Variants in MEAK7 observed in about 807,000 individuals in gnomAD.
MEAK7 encodes MTOR-associated protein MEAK7.
MEAK7 carries 68 observed loss-of-function variants against 40.5 expected under a neutral mutation model. The observed-to-expected ratio is 1.68, with a 90% CI of 1.38 to 2.06. The LOEUF (loss-of-function observed/expected upper bound fraction) is 2.06. Ranked by LOEUF, MEAK7 falls within the 30% of genes most tolerant of loss-of-function variation. The pLI is 0.00. For synonymous variants in MEAK7, 338 were observed against 231.9 expected (o/e 1.46, Z -4.16); for missense variants, 918 against 580.5 (o/e 1.58, Z -5.98).
chr16:84,497,353 C>T (rs1914133996), intron 2 of MEAK7: 1 of 1,189,902 alleles, frequency 8.4e-7, no homozygotes, highest in Non-Finnish European at 1.1e-6. Context: ...GCAAGATGAG[C>T]CTTGAATCTA....
intron 4 of MEAK7, chr16:84,488,230 A>G (rs1327175272): frequency 6.6e-6 from 1 of 152,170 alleles, no homozygotes; most frequent in East Asian, 1.9e-4. Flanking sequence ...CTGATTCTAG[A>G]TGGATGAACA....
intron 1 of MEAK7, chr16:84,504,185 A>G: frequency 1.0e-6 from 1 of 983,996 alleles, no homozygotes. Flanking sequence ...GAATACAAGA[A>G]GGAAAACCCC....
rs774271292 is a variant in MEAK7, at chr16:84,480,731, G to T, written c.1078-23C>A. The T allele has an allele frequency of 3.1e-6, 5 of 1,596,162 alleles. No homozygotes were observed. In the African/African-American group the frequency reaches 6.7e-5, roughly 21 times the overall value. On this transcript the variant is annotated intron_variant, in intron 6 of 7. Transcript: ENST00000343629. ...ACCCTGCAAAGGAAGCCAGGACAGA[G>T]AATAGCATCAGCAACTCCTCAGGGT...
At position 84,490,111 on chromosome 16, in the gene MEAK7, C is replaced by T. The variant is rs550934582; in HGVS notation, c.385-689G>A. ...TCAGTAATTGTACAAACTGTGTGAG[C>T]GTGTGTTTGTTTTGCTGAACTGTTT... On this transcript the variant is annotated intron_variant, in intron 3 of 7. Transcript: ENST00000343629. 1.2e-4 allele frequency among the ~76,000 whole-genome samples: 18 copies of T among 152,248 alleles called. No homozygotes were observed. In the South Asian group the frequency reaches 3.3e-3, roughly 28 times the overall value.
chr16:84,482,454 A>G (rs1014321120), intron 6 of MEAK7, 138 bp downstream of exon 6: 4 of 1,417,196 alleles, frequency 2.8e-6, no homozygotes, highest in Middle Eastern at 2.3e-4. Flanking sequence ...CCCTGGAAAC[A>G]GAAGGAACTG....
chr16:84,498,244 A>G (rs991029267), intron 1 of MEAK7, 133 bp from the exon 2 acceptor site: 1 of 1,088,556 alleles, frequency 9.2e-7, no homozygotes, highest in Non-Finnish European at 1.3e-6. Flanking sequence ...CATCAGAGCT[A>G]CATAATACTG....
rs1055162630 is a variant in MEAK7 at position 84,497,761 on chromosome 16, C to T, written c.153+173G>A. ...AGAGCAGAGGAGCTACAACAGAGAC[C>T]GCATAGCTCACAAAGCCAAAACTAG... On this transcript the variant is annotated intron_variant, in intron 2 of 7. Coordinates refer to ENST00000343629, the MANE Select transcript of MEAK7 (RefSeq NM_020947.4). 6.1e-6 allele frequency: 8 copies of T among 1,301,826 alleles called. No homozygotes were observed. In the Admixed American group the frequency reaches 1.0e-4, roughly 17 times the overall value. 80.6% of individuals were successfully genotyped at this position (1,301,826 alleles called of 1,614,324 possible).
At chr16:84,483,044 T>C (rs1253012281) in intron 5 of MEAK7, among the ~76,000 whole-genome samples, 1 of 152,094 alleles carries the variant, frequency 6.6e-6, no homozygotes, top group African/African-American at 2.4e-5. Flanking sequence ...TCCTTTAGCT[T>C]ATGAGCACGG....
At chr16:84,496,067 G>A (rs984653887) in intron 2 of MEAK7, among the ~76,000 whole-genome samples, 154 bp from the exon 3 acceptor site, 15 of 152,120 alleles carry the variant, frequency 9.9e-5, no homozygotes, top group African/African-American at 2.4e-4. Flanking sequence ...GTAAAGCCCC[G>A]TCTCTTAGAG....
At chr16:84,484,012 G>A (rs1449662668) in intron 5 of MEAK7, among the ~76,000 whole-genome samples, 1 of 152,190 alleles carries the variant, frequency 6.6e-6, no homozygotes, top group Non-Finnish European at 1.5e-5. Context: ...ACGCCGCCAT[G>A]AACAGCTGGG....
chr16:84,489,458 C>T (rs113144559), intron 3 of MEAK7, 36 bp from the exon 4 acceptor site: 114 of 1,577,806 alleles, frequency 7.2e-5, no homozygotes, highest in Non-Finnish European at 9.4e-5. Context: ...AAAACAGTTC[C>T]ACCATATCCT....
In MEAK7 at chr16:84,489,425, G is replaced by A. The variant is rs1864266; in HGVS notation, c.385-3C>T. ...GAGCCAACCAGATCCTCTGTAAACT[G>A]TAAGATCACAATTTTACCATTAAAA... is the stretch of plus-strand genomic sequence containing the variant. On this transcript the variant is annotated splice_region_variant and splice_polypyrimidine_tract_variant and intron_variant, in intron 3 of 7. Transcript: ENST00000343629. 8.0e-5 allele frequency: 128 copies of A among 1,604,482 alleles called. No individual in the cohort carries two copies. In the East Asian group the frequency reaches 2.6e-3, roughly 32 times the overall value.
chr16:84,503,044 T>G (rs1372465359), intron 1 of MEAK7, among the ~76,000 whole-genome samples: 1 of 152,182 alleles, frequency 6.6e-6, no homozygotes, highest in East Asian at 1.9e-4. Flanking sequence ...TCCTTGATAT[T>G]TGATCACCAT....
rs750821245 is a variant in MEAK7, at chr16:84,486,912, T to A, written c.677A>T (p.Asp226Val). ...ACGCTCAGGGACCAGGGTAGTCAGA[T>A]CAAGAGACGAGCACAGGATGAGAAA... ...KGFLILCSSL[D>V]LTTLVPERQV... The change falls in exon 5 of 8, where the codon GAT becomes GTT. Residue 226 changes from aspartate (D) to valine (V), a missense_variant. Transcript: ENST00000343629. The A allele has an allele frequency of 6.2e-7, 1 of 1,614,068 alleles. No homozygotes were observed. Among genetic ancestry groups the A allele is most frequent in the Non-Finnish European group, 8.5e-7 (1 of 1,180,012 alleles).
At chr16:84,499,155 T>G (rs1914294277) in intron 1 of MEAK7, among the ~76,000 whole-genome samples, 1 of 152,198 alleles carries the variant, frequency 6.6e-6, no homozygotes, top group South Asian at 2.1e-4. Flanking sequence ...CCTTGTTCAC[T>G]GTCACAAACC....
At position 84,479,911 on chromosome 16, in the gene MEAK7, C is replaced by T. The variant is rs202228300; in HGVS notation, c.*2G>A. ...TGGCTCCAGGAAGGCTCAGGCGGCT[C>T]CTCATTCATCGTCCGGGACTTCCCG... On this transcript the variant is annotated 3_prime_UTR_variant, in exon 8 of 8. Coordinates refer to ENST00000343629, the MANE Select transcript of MEAK7 (RefSeq NM_020947.4). 5 of 1,592,326 alleles carry T rather than the reference C, an allele frequency of 3.1e-6. No individual in the cohort carries two copies. In the South Asian group the frequency reaches 5.6e-5, roughly 18 times the overall value.
chr16:84,503,473 G>C (rs72808613), intron 1 of MEAK7, among the ~76,000 whole-genome samples: 16,010 of 152,192 alleles, frequency 0.11, 1,145 homozygotes, highest in Non-Finnish European at 0.16. Flanking sequence ...TCAGAGTTGA[G>C]CCCAATCTCT....
At chr16:84,489,159 G>A (rs1343681446) in intron 4 of MEAK7, 119 bp downstream of exon 4, 7 of 1,298,742 alleles carry the variant, frequency 5.4e-6, no homozygotes, top group Non-Finnish European at 7.1e-6. Flanking sequence ...AAACCTAGAA[G>A]AAGGTTCGAG....
At chr16:84,490,855 A>C (rs1447996947) in intron 3 of MEAK7, among the ~76,000 whole-genome samples, 1 of 152,044 alleles carries the variant, frequency 6.6e-6, no homozygotes, top group Non-Finnish European at 1.5e-5. Flanking sequence ...ACCTAAAATA[A>C]TGTCTAAGAG....
Sources: gnomAD v4.1 joint callset for allele counts (sites outside exome capture counted in the v4.1 genomes callset) on GRCh38, gnomAD v4.1.1 for gene constraint, MANE v1.5 for transcripts, NCBI Gene and HGNC (gene_info 2026-07-23, HGNC 2026-07-21) for gene names.